Variants in ANK3 observed in about 807,000 individuals in gnomAD.
ANK3 encodes ankyrin 3.
A neutral mutation model predicts 370.9 loss-of-function variants in ANK3; 57 were observed. The observed-to-expected ratio is 0.15, with a 90% confidence interval of 0.12 to 0.19. The LOEUF (loss-of-function observed/expected upper bound fraction) is 0.19. Among genes scored for constraint, ANK3 ranks in the 10% least tolerant of loss-of-function variants. The pLI is 1.00. For missense variants in ANK3, 4,439 were observed against 5,302.1 expected (o/e 0.84, Z 5.06); for synonymous variants, 1,929 against 1,946.3 (o/e 0.99, Z 0.23).
chr10:60,156,877 C>G (rs2095345481), intron 23 of ANK3, among the ~76,000 whole-genome samples: 1 of 151,980 alleles, frequency 6.6e-6, no homozygotes, highest in African/African-American at 2.4e-5. Context: ...TCTTTAATGC[C>G]CAGGTATCAA....
intron 1 of ANK3, among the ~76,000 whole-genome samples, chr10:60,713,952 C>T (rs2079746525): frequency 6.6e-6 from 1 of 151,562 alleles, no homozygotes; most frequent in South Asian, 2.1e-4. Context: ...AAAAAAAAAG[C>T]TGGGTCTTTG....
intron 1 of ANK3, among the ~76,000 whole-genome samples, chr10:60,642,259 T>G (rs1339073582): frequency 6.6e-6 from 1 of 151,440 alleles, no homozygotes; most frequent in African/African-American, 2.4e-5. Flanking sequence ...AAATACCATT[T>G]GACCCAGCCA....
intron 7 of ANK3, among the ~76,000 whole-genome samples, chr10:60,255,283 G>T (rs569828636): frequency 6.6e-6 from 1 of 152,248 alleles, no homozygotes; most frequent in Admixed American, 6.5e-5. Flanking sequence ...AAATGCAGCT[G>T]AACATTTTGG....
At chr10:60,725,945 A>T (rs1489204627) in intron 1 of ANK3, among the ~76,000 whole-genome samples, 1 of 152,192 alleles carries the variant, frequency 6.6e-6, no homozygotes, top group African/African-American at 2.4e-5. Context: ...ATATTTTATT[A>T]AGAACTATGT....
intron 1 of ANK3, among the ~76,000 whole-genome samples, chr10:60,685,575 C>T (rs1041431683): frequency 1.3e-5 from 2 of 152,106 alleles, no homozygotes; most frequent in African/African-American, 4.8e-5. Flanking sequence ...AGAAATAACC[C>T]GCGCTCATGA....
At chr10:60,244,757 G>C (rs188520345) in intron 7 of ANK3, among the ~76,000 whole-genome samples, 2 of 152,158 alleles carry the variant, frequency 1.3e-5, no homozygotes, top group Non-Finnish European at 2.9e-5. Flanking sequence ...CCTTGTTCAC[G>C]CTATAAACAT....
chr10:60,058,711 ACAGTAAT>A (rs2079709971), intron 41 of ANK3, among the ~76,000 whole-genome samples: 1 of 152,184 alleles, frequency 6.6e-6, no homozygotes, highest in Admixed American at 6.5e-5. Flanking sequence ...TAGGAAAAAA[ACAGTAAT>A]GTTTATATTT....
intron 1 of ANK3, among the ~76,000 whole-genome samples, chr10:60,703,929 C>T (rs1281584574): frequency 3.3e-5 from 5 of 152,082 alleles, no homozygotes; most frequent in African/African-American, 9.7e-5. Flanking sequence ...ACCTTAACAC[C>T]GGCTTTTGAT....
chr10:60,733,405 C>T, exon 1 of ANK3: 1 of 1,178,840 alleles, frequency 8.5e-7, no homozygotes, highest in Non-Finnish European at 1.1e-6. Flanking sequence ...CGTGGGACTT[C>T]TTGGGAAAAA....
chr10:60,326,780 A>G (rs2049979098), intron 1 of ANK3, among the ~76,000 whole-genome samples: 1 of 152,038 alleles, frequency 6.6e-6, no homozygotes, highest in Non-Finnish European at 1.5e-5. Context: ...CCAGCACTTC[A>G]GGAGGCCGAG....
At chr10:60,452,178 A>G (rs2064623877) in intron 2 of ANK3, among the ~76,000 whole-genome samples, 1 of 152,250 alleles carries the variant, frequency 6.6e-6, no homozygotes, top group Admixed American at 6.5e-5. Flanking sequence ...GCAAACCAGC[A>G]GAGTGGACTG....
intron 18 of ANK3, among the ~76,000 whole-genome samples, chr10:60,176,202 A>AC (rs2095943558): frequency 1.4e-5 from 2 of 143,158 alleles, no homozygotes; most frequent in East Asian, 3.9e-4. Flanking sequence ...AAAACAAAAA[A>AC]AAACAAAAAA....
intron 2 of ANK3, among the ~76,000 whole-genome samples, chr10:60,489,049 T>TTTA (rs1217460339): frequency 6.6e-6 from 1 of 152,220 alleles, no homozygotes; most frequent in East Asian, 1.9e-4. Context: ...TTATAGCACT[T>TTTA]TTATTACAAG....
At position 60,114,379 on chromosome 10, in the gene ANK3, A is replaced by G. The variant is rs979524177; in HGVS notation, c.2842-48T>C. The G allele has an allele frequency of 2.9e-6, 3 of 1,036,360 alleles. No individual in the cohort carries two copies. In the African/African-American group the frequency reaches 4.8e-5, roughly 17 times the overall value. 64.2% of individuals were successfully genotyped at this position (1,036,360 alleles called of 1,614,324 possible). A position where few individuals can be genotyped will look rare whatever the true frequency, so the allele number is the denominator to read the frequency against. On this transcript the variant is annotated intron_variant, in intron 25 of 43. Transcript: ENST00000280772. ...AAATTACATCAACAAACCATACAAG[A>G]CTGATTTCTCTACACATATAAAATA...
At chr10:60,123,542 A>G (rs561837713) in intron 25 of ANK3, among the ~76,000 whole-genome samples, 1 of 152,306 alleles carries the variant, frequency 6.6e-6, no homozygotes, top group African/African-American at 2.4e-5. Flanking sequence ...ATTAACTCCA[A>G]TATTAGTAAT....
intron 1 of ANK3, among the ~76,000 whole-genome samples, chr10:60,333,065 CT>C (rs2051782587): frequency 6.6e-6 from 1 of 152,046 alleles, no homozygotes; most frequent in Admixed American, 6.6e-5. Context: ...TCTCTTTAAT[CT>C]TTTTATTTTG....
chr10:60,398,514 G>T (rs2063289684), intron 2 of ANK3, among the ~76,000 whole-genome samples: 1 of 152,114 alleles, frequency 6.6e-6, no homozygotes, highest in South Asian at 2.1e-4. Flanking sequence ...GTGTGGATGT[G>T]TGTATTCACA....
intron 1 of ANK3, among the ~76,000 whole-genome samples, chr10:60,318,995 C>T (rs1258373715): frequency 1.3e-5 from 2 of 152,218 alleles, no homozygotes; most frequent in African/African-American, 4.8e-5. Context: ...AAGAACTCTT[C>T]ACTAATCAGC....
chr10:60,594,738 T>C (rs1418956417), intron 2 of ANK3, among the ~76,000 whole-genome samples: 3 of 152,152 alleles, frequency 2.0e-5, no homozygotes, highest in South Asian at 2.1e-4. Context: ...TTCATAGTAA[T>C]GTTGGTTTTT....
Sources: gnomAD v4.1 joint callset for allele counts (sites outside exome capture counted in the v4.1 genomes callset) on GRCh38, gnomAD v4.1.1 for gene constraint, MANE v1.5 for transcripts, NCBI Gene and HGNC (gene_info 2026-07-23, HGNC 2026-07-21) for gene names.